Variants in THSD7B observed in about 807,000 individuals in gnomAD.
THSD7B encodes the protein thrombospondin type-1 domain-containing protein 7B.
In THSD7B, 138 loss-of-function variants were observed where a neutral mutation model predicts 213.6. The observed-to-expected ratio is 0.65, with a 90% CI of 0.56 to 0.74. The LOEUF (loss-of-function observed/expected upper bound fraction) is 0.74, where lower values mean the gene tolerates loss of function less well. THSD7B is among the 30% of genes least tolerant of loss of function. The probability of loss-of-function intolerance (pLI) is 0.00; values close to 1 mark genes in which losing one functional copy is unlikely to be tolerated. For missense variants in THSD7B, 1,931 were observed against 1,991.5 expected (o/e 0.97, Z 0.58); for synonymous variants, 742 against 687.0 (o/e 1.08, Z -1.25).
At chr2:136,828,079 T>G (rs1218245853) in intron 1 of THSD7B, among the ~76,000 whole-genome samples, 1 of 151,890 alleles carries the variant, frequency 6.6e-6, no homozygotes, top group African/African-American at 2.4e-5. Context: ...GGGGTATACT[T>G]TACTCTTAAT....
intron 12 of THSD7B, among the ~76,000 whole-genome samples, chr2:137,404,799 A>G (rs1264866293): frequency 6.6e-6 from 1 of 151,984 alleles, no homozygotes; most frequent in Non-Finnish European, 1.5e-5. Flanking sequence ...TGTGGGAACT[A>G]AGCTATGAGG....
In THSD7B at chr2:137,336,417, C is replaced by T. The variant is rs189076091; in HGVS notation, c.2500+60391C>T. Among the ~76,000 whole-genome samples the T allele has an allele frequency of 5.3e-5, 8 of 152,238 alleles. 1 individual carries two copies. The highest frequency in any genetic ancestry group is 3.3e-4 in the Admixed American group (5 of 15,288). Reference sequence around the variant, plus strand: ...CATGCAATATATTGTGAACAGTGAACGAGATTTTGCAGTATCAGTGTGGCA... The same window carrying T: ...CATGCAATATATTGTGAACAGTGAATGAGATTTTGCAGTATCAGTGTGGCA... On this transcript the variant is annotated intron_variant, in intron 12 of 27. Coordinates refer to ENST00000409968, the MANE Select transcript of THSD7B (RefSeq NM_001316349.2).
chr2:137,521,700 G>A lies in THSD7B; in HGVS notation c.3139-41521G>A, dbSNP rs1680187891. 2.6e-5 allele frequency among the ~76,000 whole-genome samples: 4 copies of A among 152,232 alleles called. No homozygotes were observed. In the South Asian group the frequency reaches 8.3e-4, roughly 31 times the overall value. ...AGCCACTTCTGGTAGATCAGGGACA[G>A]TAGAGGGGACACTGGCATCTGGCTG... On this transcript the variant is annotated intron_variant, in intron 15 of 27. Coordinates refer to ENST00000409968, the MANE Select transcript of THSD7B (RefSeq NM_001316349.2).
At chr2:137,182,300 A>G (rs1680469432) in intron 7 of THSD7B, among the ~76,000 whole-genome samples, 1 of 152,190 alleles carries the variant, frequency 6.6e-6, no homozygotes, top group Non-Finnish European at 1.5e-5. Context: ...GCTGAGAGAA[A>G]CAGTGTATGT....
At chr2:137,359,596 G>A (rs1224961903) in intron 12 of THSD7B, among the ~76,000 whole-genome samples, 1 of 152,086 alleles carries the variant, frequency 6.6e-6, no homozygotes, top group African/African-American at 2.4e-5. Context: ...CAGGTCCCTG[G>A]CTTTTTATCT....
intron 5 of THSD7B, among the ~76,000 whole-genome samples, chr2:137,120,225 T>C (rs753479397): frequency 2.0e-5 from 3 of 152,078 alleles, no homozygotes; most frequent in Non-Finnish European, 2.9e-5. Context: ...CTTGGAAACC[T>C]CTTCAATTAT....
At chr2:136,921,054 C>T (rs1278596315) in intron 2 of THSD7B, among the ~76,000 whole-genome samples, 3 of 151,976 alleles carry the variant, frequency 2.0e-5, no homozygotes, top group African/African-American at 7.3e-5. Flanking sequence ...CCCGGGAGTG[C>T]GGCCTTCTGC....
At chr2:137,218,334 G>A (rs918703365) in intron 7 of THSD7B, among the ~76,000 whole-genome samples, 2 of 152,208 alleles carry the variant, frequency 1.3e-5, no homozygotes, top group Non-Finnish European at 2.9e-5. Context: ...ATAAAGTGAT[G>A]TTTGGATTTT....
At chr2:137,166,863 G>C (rs1027145390) in intron 6 of THSD7B, among the ~76,000 whole-genome samples, 6 of 152,106 alleles carry the variant, frequency 3.9e-5, no homozygotes, top group Non-Finnish European at 7.4e-5. Flanking sequence ...TATGTGTTTG[G>C]GGTGGGTGGG....
intron 10 of THSD7B, among the ~76,000 whole-genome samples, chr2:137,244,526 T>A (rs1246739885): frequency 6.6e-6 from 1 of 152,208 alleles, no homozygotes; most frequent in Non-Finnish European, 1.5e-5. Context: ...TTTCCTAGCA[T>A]TGGGTAAAGG....
chr2:137,321,266 G>A (rs1684260066), intron 12 of THSD7B, among the ~76,000 whole-genome samples: 1 of 152,150 alleles, frequency 6.6e-6, no homozygotes, highest in Non-Finnish European at 1.5e-5. Context: ...TGTAGAATAG[G>A]AAATTTTCTG....
chr2:136,936,064 T>A (rs1334982134), intron 2 of THSD7B, among the ~76,000 whole-genome samples: 1 of 151,290 alleles, frequency 6.6e-6, no homozygotes, highest in Non-Finnish European at 1.5e-5. Flanking sequence ...TTTATTGATA[T>A]AAAATTCATA....
chr2:137,333,418 G>A (rs1319417593), intron 12 of THSD7B, among the ~76,000 whole-genome samples: 4 of 152,186 alleles, frequency 2.6e-5, no homozygotes, highest in Middle Eastern at 3.4e-3. Context: ...TCCTCTACAC[G>A]ATGGCAAAGT....
At position 137,394,126 on chromosome 2, in the gene THSD7B, A is replaced by G. The variant is rs1367669307; in HGVS notation, c.2501-11487A>G. On this transcript the variant is annotated intron_variant, in intron 12 of 27. Transcript: ENST00000409968. The stretch of plus-strand genomic sequence containing the variant: ...TTTTGTAGGTTGCCTGTTCACTCTG[A>G]TGGTAGTTTCTTTTGCTGTGCAGAA... Among the ~76,000 whole-genome samples the G allele has an allele frequency of 4.4e-3, 519 of 117,798 alleles. 31 individuals carry two copies. The highest frequency in any genetic ancestry group is 0.015 in the African/African-American group (487 of 32,718). The allele number at this position is 117,798 out of a possible 152,430, so 77.3% of individuals were successfully genotyped here.
intron 17 of THSD7B, among the ~76,000 whole-genome samples, chr2:137,595,286 C>T (rs985220626): frequency 6.6e-6 from 1 of 151,978 alleles, no homozygotes; most frequent in African/African-American, 2.4e-5. Context: ...GCTATACCTG[C>T]TCCTTTTATT....
intron 15 of THSD7B, among the ~76,000 whole-genome samples, chr2:137,550,840 G>T (rs1680832713): frequency 6.6e-6 from 1 of 152,144 alleles, no homozygotes; most frequent in South Asian, 2.1e-4. Context: ...AAAGGGTTAA[G>T]TGCTTTAGAT....
intron 1 of THSD7B, among the ~76,000 whole-genome samples, chr2:136,790,624 A>C (rs371132501): frequency 1.2e-4 from 18 of 152,064 alleles, no homozygotes; most frequent in African/African-American, 4.3e-4. Flanking sequence ...AAGTTTTTGG[A>C]GATTCAAAGA....
chr2:137,397,029 C>T (rs1211962742), intron 12 of THSD7B, among the ~76,000 whole-genome samples: 2 of 142,320 alleles, frequency 1.4e-5, no homozygotes, highest in East Asian at 3.9e-4. Flanking sequence ...AGTTCTTCCT[C>T]CATCCTTTTA....
intron 7 of THSD7B, among the ~76,000 whole-genome samples, chr2:137,186,511 G>C (rs1427458734): frequency 2.0e-5 from 3 of 151,840 alleles, no homozygotes; most frequent in African/African-American, 7.3e-5. Flanking sequence ...TATGGACTTT[G>C]GATGACTGTA....
Sources: gnomAD v4.1 joint callset for allele counts (sites outside exome capture counted in the v4.1 genomes callset) on GRCh38, gnomAD v4.1.1 for gene constraint, MANE v1.5 for transcripts, NCBI Gene and HGNC (gene_info 2026-07-23, HGNC 2026-07-21) for gene names.